Variants in FSTL5 observed in about 807,000 individuals in gnomAD.
FSTL5 encodes the protein follistatin like 5.
A neutral mutation model predicts 89.1 loss-of-function variants in FSTL5; 62 were observed. The ratio of observed to expected loss-of-function variants is 0.70; its 90% confidence interval spans 0.57 to 0.86. The LOEUF is 0.86. Ranked by LOEUF, FSTL5 falls within the 40% of genes least tolerant of loss-of-function variation. The pLI, the probability that FSTL5 is intolerant of heterozygous loss-of-function variation, is 0.00. For missense variants in FSTL5, 1,057 were observed against 1,001.6 expected (o/e 1.06, Z -0.75); for synonymous variants, 383 against 346.2 (o/e 1.11, Z -1.18).
chr4:161,795,573 G>A (rs575544659), intron 4 of FSTL5, among the ~76,000 whole-genome samples: 1 of 152,102 alleles, frequency 6.6e-6, no homozygotes, highest in East Asian at 1.9e-4. Flanking sequence ...AGTGAAATTG[G>A]TACTATAGCG....
intron 3 of FSTL5, among the ~76,000 whole-genome samples, chr4:161,961,564 T>C (rs1162983689): frequency 6.6e-6 from 1 of 151,110 alleles, no homozygotes; most frequent in East Asian, 1.9e-4. Flanking sequence ...TATGCATAGA[T>C]ATATAAATAA....
At chr4:161,935,088 G>A (rs1734395419) in intron 3 of FSTL5, among the ~76,000 whole-genome samples, 1 of 151,852 alleles carries the variant, frequency 6.6e-6, no homozygotes, top group Non-Finnish European at 1.5e-5. Flanking sequence ...TATATTTTAG[G>A]CAATTTCCTG....
chr4:162,108,413 C>T (rs1731308568), intron 2 of FSTL5, among the ~76,000 whole-genome samples: 1 of 151,868 alleles, frequency 6.6e-6, no homozygotes, highest in Admixed American at 6.6e-5. Flanking sequence ...TAAAAATGAG[C>T]TCTATATATC....
chr4:161,712,336 G>A (rs963401119), intron 6 of FSTL5, among the ~76,000 whole-genome samples: 8 of 151,996 alleles, frequency 5.3e-5, no homozygotes, highest in African/African-American at 1.7e-4. Context: ...ATAGAGATAA[G>A]ACCTGCTACT....
At chr4:161,613,964 T>C (rs1028079661) in intron 7 of FSTL5, among the ~76,000 whole-genome samples, 1 of 152,152 alleles carries the variant, frequency 6.6e-6, no homozygotes, top group Non-Finnish European at 1.5e-5. Flanking sequence ...CGAATCACTA[T>C]ATATTACATT....
intron 3 of FSTL5, among the ~76,000 whole-genome samples, chr4:162,021,126 C>T (rs1737067109): frequency 6.6e-6 from 1 of 151,968 alleles, no homozygotes; most frequent in Non-Finnish European, 1.5e-5. Flanking sequence ...AATTATTAAC[C>T]TATTTATTCA....
At chr4:161,401,379 T>C (rs1213706302) in intron 15 of FSTL5, among the ~76,000 whole-genome samples, 3 of 152,230 alleles carry the variant, frequency 2.0e-5, no homozygotes, top group Non-Finnish European at 4.4e-5. Flanking sequence ...TCTACCTCAA[T>C]ACTGTAATTT....
intron 2 of FSTL5, among the ~76,000 whole-genome samples, chr4:162,064,448 A>AT: frequency 6.6e-6 from 1 of 152,184 alleles, no homozygotes; most frequent in East Asian, 1.9e-4. Context: ...TCTCTCTAAC[A>AT]TAGACGGACC....
chr4:161,717,346 G>A (rs1027387078), intron 6 of FSTL5, among the ~76,000 whole-genome samples: 3 of 152,222 alleles, frequency 2.0e-5, no homozygotes, highest in Admixed American at 6.5e-5. Flanking sequence ...TTTTCATTAG[G>A]TGAAACTATA....
chr4:161,441,420 T>C (rs1470758886), intron 15 of FSTL5, among the ~76,000 whole-genome samples: 7 of 152,124 alleles, frequency 4.6e-5, no homozygotes, highest in African/African-American at 9.6e-5. Flanking sequence ...AAAAGCATTA[T>C]AATTTATGCC....
In FSTL5 at chr4:161,871,102, C is replaced by G. The variant is rs1006776082; in HGVS notation, c.409+49302G>C. ...TTATATGAATATCTGATCAGTCTATCAAAGAGGTAATGCACAATTGTTTAA... is the reference window on the plus strand; with the variant it reads ...TTATATGAATATCTGATCAGTCTATGAAAGAGGTAATGCACAATTGTTTAA... On this transcript the variant is annotated intron_variant, in intron 4 of 15. Transcript: ENST00000306100. 3.9e-5 allele frequency among the ~76,000 whole-genome samples: 6 copies of G among 152,148 alleles called. No individual in the cohort carries two copies. The East Asian group carries it at 1.2e-3, about 29-fold the overall frequency.
intron 7 of FSTL5, among the ~76,000 whole-genome samples, chr4:161,622,343 A>C (rs115864630): frequency 5.9e-5 from 9 of 152,102 alleles, no homozygotes; most frequent in Non-Finnish European, 1.2e-4. Context: ...CTTTTTTTGT[A>C]AAACAGAGGA....
At chr4:161,442,147 G>GTTT (rs58107906) in intron 15 of FSTL5, among the ~76,000 whole-genome samples, 122 of 142,820 alleles carry the variant, frequency 8.5e-4, no homozygotes, top group Admixed American at 2.0e-3. Context: ...TCTATAAAAG[G>GTTT]TTTTTTTTTT....
At chr4:161,517,754 C>T (rs1476952322) in intron 10 of FSTL5, among the ~76,000 whole-genome samples, 3 of 150,990 alleles carry the variant, frequency 2.0e-5, no homozygotes, top group Non-Finnish European at 3.0e-5. Context: ...TGTCCTTCTC[C>T]TTTTCTGAAA....
chr4:161,784,819 A>G (rs1975225), intron 4 of FSTL5, among the ~76,000 whole-genome samples: 108,134 of 147,734 alleles, frequency 0.73, 39,732 homozygotes, highest in Non-Finnish European at 0.76. Flanking sequence ...GCGTGAACCC[A>G]GGAGGCGGAG....
In FSTL5 at chr4:161,589,164, TTTTG is replaced by T. The variant is rs34708646; in HGVS notation, c.895-1593_895-1590del. Among the ~76,000 whole-genome samples the T allele has an allele frequency of 3.0e-3, 454 of 148,956 alleles. 1 individual carries two copies. The highest frequency in any genetic ancestry group is 0.011 in the African/African-American group (426 of 40,320). On this transcript the variant is annotated intron_variant, in intron 7 of 15. Coordinates refer to ENST00000306100, the MANE Select transcript of FSTL5 (RefSeq NM_020116.5). Reference sequence around the variant, plus strand: ...CCATCACACCCAGTTAATTGTTGGTTTTTGTTTGTTTGTTTGTTTGTTTTTTGAG... The same window carrying T: ...CCATCACACCCAGTTAATTGTTGGTTTTTGTTTGTTTGTTTGTTTTTTGAG...
At chr4:161,801,049 G>C (rs1340176007) in intron 4 of FSTL5, among the ~76,000 whole-genome samples, 1 of 151,550 alleles carries the variant, frequency 6.6e-6, no homozygotes, top group Admixed American at 6.6e-5. Flanking sequence ...AAGCAGCTTA[G>C]AGGTTAGTAT....
chr4:161,784,434 A>T (rs1741807761), intron 4 of FSTL5, among the ~76,000 whole-genome samples: 1 of 152,176 alleles, frequency 6.6e-6, no homozygotes, highest in Admixed American at 6.5e-5. Flanking sequence ...ACAAAAAAGT[A>T]AATCTATGAC....
rs762273149 is a variant in FSTL5 at position 161,455,085 on chromosome 4, T to C, written c.1760A>G (p.His587Arg). The C allele has an allele frequency of 2.9e-5, 47 of 1,613,032 alleles. No individual in the cohort carries two copies. Among genetic ancestry groups the C allele is most frequent in the East Asian group, 2.2e-5 (1 of 44,798 alleles). The change falls in exon 15 of 16, where the codon CAC becomes CGC. Residue 587 changes from histidine to arginine, a missense_variant. Transcript: ENST00000306100. The part of the protein sequence containing the change: ...ASGNVPHHTI[H>R]TQPVGKQFDR... ...AAATTGCTTTCCCACTGGTTGGGTGTGGATCGTGTGGTGAGGCACATTCCC... is the reference window on the plus strand; with the variant it reads ...AAATTGCTTTCCCACTGGTTGGGTGCGGATCGTGTGGTGAGGCACATTCCC...
Sources: allele counts gnomAD v4.1 joint callset (sites outside exome capture counted in the v4.1 genomes callset), GRCh38; gene constraint gnomAD v4.1.1; transcripts MANE v1.5; gene names NCBI Gene and HGNC (gene_info 2026-07-23, HGNC 2026-07-21).